EIF4E: variants seen among roughly 807,000 people sequenced by gnomAD.
EIF4E encodes eIF-4F 25 kDa subunit.
For synonymous variants in EIF4E, 71 were observed against 88.5 expected (o/e 0.80, Z 1.11); for missense variants, 113 against 265.6 (o/e 0.43, Z 3.99).
intron 1 of EIF4E, among the ~76,000 whole-genome samples, chr4:98,924,352 C>T (rs1178216783): frequency 6.6e-6 from 1 of 152,112 alleles, no homozygotes; most frequent in Non-Finnish European, 1.5e-5. Flanking sequence ...GCTGGGATTA[C>T]AGGCATGAGC....
At position 98,881,160 on chromosome 4, in the gene EIF4E, A is replaced by AAG. The variant is rs1560630885; in HGVS notation, c.540-19_540-18insCT. 10 of 1,567,664 alleles carry AAG rather than the reference A, an allele frequency of 6.4e-6. No individual in the cohort carries two copies. In the South Asian group the frequency reaches 1.1e-4, roughly 18 times the overall value. ...ATACCCTCCTAGAAGAAAAAAAAAAAGAAGAAGAAAAAAGTAGTCATTAAC... is the reference window on the plus strand; with the variant it reads ...ATACCCTCCTAGAAGAAAAAAAAAAAAGGAAGAAGAAAAAAGTAGTCATTAAC... On this transcript the variant is annotated intron_variant, in intron 6 of 6. Transcript: ENST00000450253.
intron 1 of EIF4E, among the ~76,000 whole-genome samples, chr4:98,913,919 C>G (rs1725256468): frequency 6.6e-6 from 1 of 152,058 alleles, no homozygotes; most frequent in African/African-American, 2.4e-5. Context: ...GACAACACAT[C>G]TATCAACAGA....
intron 1 of EIF4E, among the ~76,000 whole-genome samples, chr4:98,928,162 T>C (rs1721289631): frequency 6.6e-6 from 1 of 152,138 alleles, no homozygotes; most frequent in African/African-American, 2.4e-5. Context: ...ATTCGCATTC[T>C]CTGAGGCGTG....
chr4:98,909,486 G>T lies in EIF4E; in HGVS notation c.19-7504C>A, dbSNP rs182152712. On this transcript the variant is annotated intron_variant, in intron 1 of 6. Transcript: ENST00000450253. ...CAGCAGTGGTCAAAAATAATGAAAT[G>T]TAAACTGGACCCCATGATTTAATGC... 1,638 of 565,846 alleles carry T rather than the reference G, an allele frequency of 2.9e-3. 4 individuals are homozygous for T. The highest frequency in any genetic ancestry group is 3.9e-3 in the Non-Finnish European group (1,253 of 319,366). 35.1% of individuals were successfully genotyped at this position (565,846 alleles called of 1,614,324 possible).
At chr4:98,882,080 T>C (rs1282228261) in intron 6 of EIF4E, among the ~76,000 whole-genome samples, 1 of 152,090 alleles carries the variant, frequency 6.6e-6, no homozygotes, top group East Asian at 1.9e-4. Flanking sequence ...CACAGAGAGC[T>C]TCATAGGTCA....
rs142264714 is a variant in EIF4E at position 98,899,103 on chromosome 4, G to A, written c.125+2773C>T. ...CCACAGACAATGTTAGAAGACAAATGATATGGATAACCTGTTTCTTTCTGA... is the reference window on the plus strand; with the variant it reads ...CCACAGACAATGTTAGAAGACAAATAATATGGATAACCTGTTTCTTTCTGA... On this transcript the variant is annotated intron_variant, in intron 2 of 6. Coordinates refer to ENST00000450253, the MANE Select transcript of EIF4E (RefSeq NM_001968.5). Among the ~76,000 whole-genome samples, 1,103 of 150,550 alleles carry A rather than the reference G, an allele frequency of 7.3e-3. 3 individuals are homozygous for A. Among genetic ancestry groups the A allele is most frequent in the Non-Finnish European group, 0.011 (725 of 67,756 alleles).
intron 1 of EIF4E, among the ~76,000 whole-genome samples, chr4:98,914,622 G>T (rs1047894646): frequency 6.6e-6 from 1 of 151,982 alleles, no homozygotes; most frequent in Non-Finnish European, 1.5e-5. Context: ...TCAGTGGTTG[G>T]TGGGGAGGGT....
At chr4:98,917,335 T>C (rs767639093) in intron 1 of EIF4E, among the ~76,000 whole-genome samples, 50 of 152,030 alleles carry the variant, frequency 3.3e-4, no homozygotes, top group Non-Finnish European at 4.7e-4. Flanking sequence ...ACTCTCTTAC[T>C]GAAGATTCTT....
chr4:98,908,682 T>C (rs536462449), intron 1 of EIF4E, among the ~76,000 whole-genome samples: 2 of 152,198 alleles, frequency 1.3e-5, no homozygotes, highest in Non-Finnish European at 2.9e-5. Flanking sequence ...TAGGGAACAT[T>C]TACTAAGCAG....
intron 2 of EIF4E, among the ~76,000 whole-genome samples, chr4:98,895,791 C>T (rs963546420): frequency 6.6e-6 from 1 of 152,166 alleles, no homozygotes; most frequent in Non-Finnish European, 1.5e-5. Flanking sequence ...TGGATCATAC[C>T]AGTAATAACA....
At chr4:98,901,792 T>C in intron 2 of EIF4E, 84 bp downstream of exon 2, 1 of 1,254,850 alleles carries the variant, frequency 8.0e-7, no homozygotes, top group Non-Finnish European at 1.2e-6. Context: ...ACTAGTCTCA[T>C]AATCTAACTT....
At chr4:98,892,347 A>C (rs1243357207) in intron 2 of EIF4E, among the ~76,000 whole-genome samples, 1 of 149,654 alleles carries the variant, frequency 6.7e-6, no homozygotes, top group Admixed American at 6.7e-5. Context: ...AAACAAAAAA[A>C]AAAAACAAAA....
At chr4:98,912,806 A>T (rs1377236080) in intron 1 of EIF4E, among the ~76,000 whole-genome samples, 1 of 152,244 alleles carries the variant, frequency 6.6e-6, no homozygotes, top group East Asian at 1.9e-4. Flanking sequence ...TATACATTTT[A>T]AAACTTAGAA....
At chr4:98,911,661 CAAAA>C (rs767631331) in intron 1 of EIF4E, among the ~76,000 whole-genome samples, 6 of 60,046 alleles carry the variant, frequency 1.0e-4, no homozygotes, top group South Asian at 7.8e-4. Flanking sequence ...AACTCTGTCT[CAAAA>C]AAAAAAAAAA....
chr4:98,896,195 C>A (rs1724375784), intron 2 of EIF4E, among the ~76,000 whole-genome samples: 1 of 134,972 alleles, frequency 7.4e-6, no homozygotes, highest in African/African-American at 3.9e-5. Context: ...GCTCCATCTC[C>A]AATAAAATAA....
intron 5 of EIF4E, chr4:98,886,851 G>A (rs1723941556): frequency 7.2e-5 from 36 of 497,810 alleles, no homozygotes; most frequent in South Asian, 7.1e-4. Context: ...TTACTGTGGT[G>A]AGAGTCAACT....
At chr4:98,913,963 G>A (rs1725259165) in intron 1 of EIF4E, among the ~76,000 whole-genome samples, 3 of 151,602 alleles carry the variant, frequency 2.0e-5, no homozygotes, top group African/African-American at 7.3e-5. Context: ...ACAAACCACG[G>A]CGTTTATGAT....
chr4:98,890,970 T>C (rs921938899), intron 3 of EIF4E: 107 of 480,798 alleles, frequency 2.2e-4, no homozygotes, highest in Middle Eastern at 1.2e-3. Context: ...CAACTAGCTG[T>C]CAAAAGTTCT....
chr4:98,902,580 T>C (rs1724697606), intron 1 of EIF4E, among the ~76,000 whole-genome samples: 1 of 152,176 alleles, frequency 6.6e-6, no homozygotes, highest in Non-Finnish European at 1.5e-5. Flanking sequence ...TGTCACAGAC[T>C]ATGCAACAAA....
Sources: gnomAD v4.1 joint callset for allele counts (sites outside exome capture counted in the v4.1 genomes callset) on GRCh38, gnomAD v4.1.1 for gene constraint, MANE v1.5 for transcripts, NCBI Gene and HGNC (gene_info 2026-07-23, HGNC 2026-07-21) for gene names.